STAT4: variants seen among roughly 807,000 people sequenced by gnomAD.
The protein encoded by STAT4 is signal transducer and activator of transcription 4.
STAT4 carries 42 observed loss-of-function variants against 110.5 expected under a neutral mutation model. The observed-to-expected ratio is 0.38, with a 90% CI of 0.30 to 0.49. STAT4 has a LOEUF of 0.49. Ranked by LOEUF, STAT4 falls within the 20% of genes least tolerant of loss-of-function variation. STAT4 has a pLI of 0.95. For synonymous variants in STAT4, 284 were observed against 302.2 expected (o/e 0.94, Z 0.63); for missense variants, 632 against 887.9 (o/e 0.71, Z 3.66).
Position 191,066,095 on chromosome 2 carries a change from G to A in STAT4, c.630+335C>T, listed in dbSNP as rs1364223525. Among the ~76,000 whole-genome samples the A allele has an allele frequency of 6.6e-6, 1 of 152,038 alleles. No individual in the cohort carries two copies. Among genetic ancestry groups the A allele is most frequent in the Non-Finnish European group, 1.5e-5 (1 of 68,012 alleles). ...ACTATATTAATTATATATGTGCAGTGGAACCCATCTCAGCATATTAAGTAC... is the reference window on the plus strand; with the variant it reads ...ACTATATTAATTATATATGTGCAGTAGAACCCATCTCAGCATATTAAGTAC... On this transcript the variant is annotated intron_variant, in intron 7 of 23. Transcript: ENST00000392320. The surrounding 1 kb of genome is among the most constrained non-coding windows in gnomAD (Gnocchi z 4.3).
At chr2:191,119,646 C>A (rs1336979600) in intron 3 of STAT4, among the ~76,000 whole-genome samples, 1 of 152,094 alleles carries the variant, frequency 6.6e-6, no homozygotes, top group East Asian at 1.9e-4. Context: ...AAAATCCCTG[C>A]AGGTTTATTT....
At chr2:191,133,631 G>T (rs982283978) in intron 3 of STAT4, among the ~76,000 whole-genome samples, 1 of 151,398 alleles carries the variant, frequency 6.6e-6, no homozygotes. Flanking sequence ...CACTTTTTGT[G>T]TTGCTTTAAT....
At chr2:191,125,633 G>A (rs564521982) in intron 3 of STAT4, among the ~76,000 whole-genome samples, 1 of 151,946 alleles carries the variant, frequency 6.6e-6, no homozygotes, top group African/African-American at 2.4e-5. Flanking sequence ...TACTACAGGT[G>A]TACGCACGCT....
rs921315213 is a variant in STAT4 at position 191,091,147 on chromosome 2, G to A, written c.274-14822C>T. Among the ~76,000 whole-genome samples, 3 of 152,062 alleles carry A rather than the reference G, an allele frequency of 2.0e-5. No homozygotes were observed. The highest frequency in any genetic ancestry group is 4.2e-4 in the South Asian group (2 of 4,812). On this transcript the variant is annotated intron_variant, in intron 3 of 23. Coordinates refer to ENST00000392320, the MANE Select transcript of STAT4 (RefSeq NM_003151.4). This position sits in a 1 kb window ranked among gnomAD's most constrained non-coding sequence, Gnocchi z 5.4. Reference sequence around the variant, plus strand: ...AGGACAAGAAAATGAAATAGTAAACGTAAATATTGGTAAAGGGGGTATGCA... The same window carrying A: ...AGGACAAGAAAATGAAATAGTAAACATAAATATTGGTAAAGGGGGTATGCA...
At chr2:191,096,006 C>G (rs950234207) in intron 3 of STAT4, among the ~76,000 whole-genome samples, 5 of 152,160 alleles carry the variant, frequency 3.3e-5, no homozygotes, top group Non-Finnish European at 5.9e-5. Flanking sequence ...CACAAATGAA[C>G]TAGAAAATCT....
At position 191,030,999 on chromosome 2, in the gene STAT4, G is replaced by C; in HGVS notation, c.2193C>G (p.Asn731Lys). 6.2e-7 allele frequency: 1 copy of C among 1,613,968 alleles called. No individual in the cohort carries two copies. Among genetic ancestry groups the C allele is most frequent in the Non-Finnish European group, 8.5e-7 (1 of 1,179,848 alleles). ...CAGTTTCAATTGTTGTGGGACTCAG[G>C]TTTTCTCTCAACACCGCATACACAC... ...SPSVYAVLRE[N>K]LSPTTIETAM... Residue 731 changes from asparagine to lysine, a missense_variant, in exon 23 of 24, where the codon AAC (asparagine) becomes AAG (lysine). Around this residue, in one of 4 missense-constraint regions of STAT4, gnomAD observed 32 missense variants for 67.6 expected, o/e 0.47. Transcript: ENST00000392320. This position sits in a 1 kb window ranked among gnomAD's most constrained non-coding sequence, Gnocchi z 4.4.
At chr2:191,139,600 T>C (rs950295680) in intron 3 of STAT4, among the ~76,000 whole-genome samples, 1 of 152,224 alleles carries the variant, frequency 6.6e-6, no homozygotes, top group Non-Finnish European at 1.5e-5. Flanking sequence ...AAAGAAAGCA[T>C]ATATAACATG....
At position 191,031,392 on chromosome 2, in the gene STAT4, A is replaced by G; in HGVS notation, c.2111+58T>C. 1 of 1,536,478 alleles carries G rather than the reference A, an allele frequency of 6.5e-7. No individual in the cohort carries two copies. Among genetic ancestry groups the G allele is most frequent in the Non-Finnish European group, 8.9e-7 (1 of 1,121,762 alleles). On this transcript the variant is annotated intron_variant, in intron 22 of 23. Coordinates refer to ENST00000392320, the MANE Select transcript of STAT4 (RefSeq NM_003151.4). This position sits in a 1 kb window ranked among gnomAD's most constrained non-coding sequence, Gnocchi z 4.8. ...TTATGTGTACTCTGCTCTACCTTTA[A>G]ATCTCCTATAGGAAAGCTTTTTATA...
At position 191,146,759 on chromosome 2, in the gene STAT4, T is replaced by TAAA. The variant is rs754067021; in HGVS notation, c.129-5_129-3dup. 15 of 1,202,994 alleles carry TAAA rather than the reference T, an allele frequency of 1.2e-5. No homozygotes were observed. The highest frequency in any genetic ancestry group is 8.2e-5 in the South Asian group (5 of 61,286). The allele number at this position is 1,202,994 out of a possible 1,614,324, so 74.5% of individuals were successfully genotyped here. A position where few individuals can be genotyped will look rare whatever the true frequency, so the allele number is the denominator to read the frequency against. ...GTTTCATTGTTAGAAGCTGCCTCCC[T>TAAA]AAAAAAAAAAAGGATTATTACACAA... On this transcript the variant is annotated splice_region_variant and splice_polypyrimidine_tract_variant and intron_variant, in intron 2 of 23. Transcript: ENST00000392320. The surrounding 1 kb of genome is among the most constrained non-coding windows in gnomAD (Gnocchi z 4.5).
chr2:191,094,911 G>T (rs1697920163), intron 3 of STAT4, among the ~76,000 whole-genome samples: 1 of 71,314 alleles, frequency 1.4e-5, no homozygotes, highest in African/African-American at 4.5e-5. Flanking sequence ...CCAAGCAAAT[G>T]GAAAGCAAAA....
At chr2:191,057,061 G>T (rs1696716674) in intron 13 of STAT4, among the ~76,000 whole-genome samples, 1 of 152,142 alleles carries the variant, frequency 6.6e-6, no homozygotes, top group Non-Finnish European at 1.5e-5. Context: ...GGGATTAGAG[G>T]CGTGAGCCAC....
chr2:191,030,938 C>T lies in STAT4; in HGVS notation c.2220+34G>A. The T allele has an allele frequency of 6.3e-7, 1 of 1,598,290 alleles. No individual in the cohort carries two copies. Among genetic ancestry groups the T allele is most frequent in the Non-Finnish European group, 8.6e-7 (1 of 1,165,932 alleles). Reference sequence around the variant, plus strand: ...ACCACCTTTGCATCGTTGGAAACACCTTTGACCAGCAATGGAAAATAAAGG... The same window carrying T: ...ACCACCTTTGCATCGTTGGAAACACTTTTGACCAGCAATGGAAAATAAAGG... On this transcript the variant is annotated intron_variant, in intron 23 of 23. Coordinates refer to ENST00000392320, the MANE Select transcript of STAT4 (RefSeq NM_003151.4). The surrounding 1 kb of genome is among the most constrained non-coding windows in gnomAD (Gnocchi z 4.4).
In STAT4 at chr2:191,130,249, A is replaced by G. The variant is rs541496146; in HGVS notation, c.273+16364T>C. Among the ~76,000 whole-genome samples the G allele has an allele frequency of 5.8e-5, 8 of 137,494 alleles. No homozygotes were observed. In the East Asian group the frequency reaches 1.7e-3, roughly 29 times the overall value. The allele number at this position is 137,494 out of a possible 152,430, so 90.2% of individuals were successfully genotyped here. A position where few individuals can be genotyped will look rare whatever the true frequency, so the allele number is the denominator to read the frequency against. On this transcript the variant is annotated intron_variant, in intron 3 of 23. Transcript: ENST00000392320. ...TTTTTTTTTTTTTTTTTGAGACAGA[A>G]TCTTGGCCTGCCGCCCAGGCTGGAG...
intron 3 of STAT4, among the ~76,000 whole-genome samples, chr2:191,078,114 T>C (rs1169303190): frequency 6.6e-6 from 1 of 152,124 alleles, no homozygotes; most frequent in Non-Finnish European, 1.5e-5. Flanking sequence ...AAAAAGGGCT[T>C]CTCCTAGGGC....
At chr2:191,132,230 T>A (rs1354957460) in intron 3 of STAT4, among the ~76,000 whole-genome samples, 1 of 151,752 alleles carries the variant, frequency 6.6e-6, no homozygotes. Flanking sequence ...AGCTTCAACA[T>A]CACTCCTAAC....
In STAT4 at chr2:191,033,862, A is replaced by C; in HGVS notation, c.1715+49T>G. On this transcript the variant is annotated intron_variant, in intron 19 of 23. Transcript: ENST00000392320. The surrounding 1 kb of genome is among the most constrained non-coding windows in gnomAD (Gnocchi z 6.9). The stretch of plus-strand genomic sequence containing the variant: ...GAAAGAAGAAAACCAATAACAACAG[A>C]AAAAAAGAACATAATTAACTCATAT... The C allele has an allele frequency of 6.7e-7, 1 of 1,481,630 alleles. No individual in the cohort carries two copies. The highest frequency in any genetic ancestry group is 1.2e-5 in the South Asian group (1 of 80,374). 91.8% of individuals were successfully genotyped at this position (1,481,630 alleles called of 1,614,324 possible). A position where few individuals can be genotyped will look rare whatever the true frequency, so the allele number is the denominator to read the frequency against.
At chr2:191,133,739 G>GC (rs1207167792) in intron 3 of STAT4, among the ~76,000 whole-genome samples, 4 of 151,820 alleles carry the variant, frequency 2.6e-5, no homozygotes, top group Admixed American at 6.5e-5. Flanking sequence ...AAAGGGTTTT[G>GC]CAACAGTAAG....
At position 191,150,880 on chromosome 2, in the gene STAT4, A is replaced by T. The variant is rs1332211856; in HGVS notation, c.-2+67T>A. On this transcript the variant is annotated intron_variant, in intron 1 of 23. Coordinates refer to ENST00000392320, the MANE Select transcript of STAT4 (RefSeq NM_003151.4). This position sits in a 1 kb window ranked among gnomAD's most constrained non-coding sequence, Gnocchi z 6.4. ...ACGCCAAGGGAAAGCAAAGCTTCAG[A>T]GTATCCTGCATAATAAGCATGTCCT... 1 of 973,840 alleles carries T rather than the reference A, an allele frequency of 1.0e-6. No individual in the cohort carries two copies. The highest frequency in any genetic ancestry group is 1.2e-6 in the Non-Finnish European group (1 of 819,470). 60.3% of individuals were successfully genotyped at this position (973,840 alleles called of 1,614,324 possible). A position where few individuals can be genotyped will look rare whatever the true frequency, so the allele number is the denominator to read the frequency against.
chr2:191,050,643 G>A lies in STAT4; in HGVS notation c.1251+3847C>T, dbSNP rs1696495599. Among the ~76,000 whole-genome samples the A allele has an allele frequency of 6.6e-6, 1 of 151,808 alleles. No homozygotes were observed. Among genetic ancestry groups the A allele is most frequent in the African/African-American group, 2.4e-5 (1 of 41,292 alleles). ...TCTTGAAAGTAAACTTCCCACCAGA[G>A]TTTCCATCTGTAAATATATAAAATA... On this transcript the variant is annotated intron_variant, in intron 14 of 23. Coordinates refer to ENST00000392320, the MANE Select transcript of STAT4 (RefSeq NM_003151.4). The surrounding 1 kb of genome is among the most constrained non-coding windows in gnomAD (Gnocchi z 4.3).
Sources: allele counts gnomAD v4.1 joint callset (sites outside exome capture counted in the v4.1 genomes callset), GRCh38; gene constraint gnomAD v4.1.1; regional missense constraint gnomAD v4.1.1; non-coding constraint Gnocchi (gnomAD v3.1); transcripts MANE v1.5; gene names NCBI Gene and HGNC (gene_info 2026-07-23, HGNC 2026-07-21).